The following MAPT variants were observed in gnomAD, a reference collection of about 807,000 sequenced individuals.
The protein encoded by MAPT is microtubule associated protein tau.
In MAPT, 34 loss-of-function variants were observed where a neutral mutation model predicts 67.9. The ratio of observed to expected loss-of-function variants is 0.50; its 90% CI spans 0.38 to 0.67. The LOEUF (loss-of-function observed/expected upper bound fraction) is 0.67. MAPT is among the 30% of genes least tolerant of loss of function. MAPT has a pLI of 0.00. For missense variants in MAPT, 881 were observed against 1,115.2 expected (o/e 0.79, Z 2.99); for synonymous variants, 456 against 464.5 (o/e 0.98, Z 0.23).
chr17:45,973,679 G>A (rs2071978697), intron 3 of MAPT: 1 of 152,382 alleles, frequency 6.6e-6, no homozygotes, highest in Non-Finnish European at 1.5e-5. Flanking sequence ...CATTGCTCGG[G>A]AGGGACGCTG....
intron 1 of MAPT, among the ~76,000 whole-genome samples, chr17:45,946,514 G>T (rs1188569675): frequency 6.7e-6 from 1 of 148,546 alleles, no homozygotes; most frequent in Admixed American, 6.8e-5. Context: ...CAGGAGAATT[G>T]CTTGAACCCG....
In MAPT at chr17:45,904,006, A is replaced by ATATATTTATATATTATATAT. The variant is rs2063932515; in HGVS notation, c.-18+9325_-18+9326insTTATATATTATATATTATAT. 3.1e-4 allele frequency among the ~76,000 whole-genome samples: 2 copies of ATATATTTATATATTATATAT among 6,398 alleles called. 1 individual carries two copies. Among genetic ancestry groups the ATATATTTATATATTATATAT allele is most frequent in the African/African-American group, 1.1e-3 (2 of 1,850 alleles). The allele number at this position is 6,398 out of a possible 152,430, so 4.2% of individuals were successfully genotyped here. ...TATATATTTATATATATTATATATT[A>ATATATTTATATATTATATAT]TATATATTATATATTATATATTTAT... On this transcript the variant is annotated intron_variant, in intron 1 of 12. Transcript: ENST00000262410.
intron 1 of MAPT, among the ~76,000 whole-genome samples, chr17:45,924,119 C>A (rs527357570): frequency 1.3e-5 from 2 of 152,154 alleles, no homozygotes; most frequent in Non-Finnish European, 2.9e-5. Flanking sequence ...TGGAATCCAG[C>A]CATAACTCTG....
At chr17:46,008,928 A>C (rs1446213451) in intron 9 of MAPT, among the ~76,000 whole-genome samples, 1 of 152,224 alleles carries the variant, frequency 6.6e-6, no homozygotes. Flanking sequence ...GATTACAGGC[A>C]TGGTGGCTTA....
At chr17:45,974,386 T>C (rs1193595831) in intron 3 of MAPT, 1 of 1,604,996 alleles carries the variant, frequency 6.2e-7, no homozygotes, top group African/African-American at 1.3e-5. Flanking sequence ...GGTTTCTAGA[T>C]GTGACAGCAC....
At chr17:46,016,205 G>A (rs894698199) in intron 11 of MAPT, among the ~76,000 whole-genome samples, 9 of 152,128 alleles carry the variant, frequency 5.9e-5, no homozygotes, top group Admixed American at 2.6e-4. Flanking sequence ...CAGCCTGGCC[G>A]ACATGGCGAA....
intron 1 of MAPT, among the ~76,000 whole-genome samples, chr17:45,956,072 A>G (rs1001034931): frequency 6.6e-6 from 1 of 152,214 alleles, no homozygotes; most frequent in Non-Finnish European, 1.5e-5. Flanking sequence ...TTGCCCATTG[A>G]GAACGGCTGA....
At chr17:45,951,353 G>T (rs898627023) in intron 1 of MAPT, among the ~76,000 whole-genome samples, 2 of 152,180 alleles carry the variant, frequency 1.3e-5, no homozygotes, top group African/African-American at 4.8e-5. Flanking sequence ...TCTTTACGTT[G>T]CATGAATTTT....
Position 45,962,366 on chromosome 17 carries a change from T to A in MAPT, c.29T>A (p.Val10Glu). Residue 10 changes from valine to glutamate, a missense_variant, in exon 2 of 13, where the codon GTG becomes GAG. By Grantham distance (121) the Val-to-Glu change is moderately radical. Transcript: ENST00000262410. ...GCTGAGCCCCGCCAGGAGTTCGAAG[T>A]GATGGAAGATCACGCTGGGACGTAC... MAEPRQEFEVMEDHAGTYGL... is the reference protein window; with the variant it reads MAEPRQEFEEMEDHAGTYGL... The A allele has an allele frequency of 1.2e-6, 2 of 1,612,112 alleles. No homozygotes were observed. The highest frequency in any genetic ancestry group is 1.7e-6 in the Non-Finnish European group (2 of 1,179,830).
Position 46,010,757 on chromosome 17 carries a change from C to G in MAPT, c.2091+355C>G, listed in dbSNP as rs2075770248. ...CCTTCCACTCATGCCCAGCCCTGTC[C>G]CCAGGAGCCCCATAGCCCATTGGAA... On this transcript the variant is annotated intron_variant, in intron 10 of 12. Transcript: ENST00000262410. This position sits in a 1 kb window ranked among gnomAD's most constrained non-coding sequence, Gnocchi z 4.7. Among the ~76,000 whole-genome samples, 1 of 152,228 alleles carries G rather than the reference C, an allele frequency of 6.6e-6. No homozygotes were observed. Among genetic ancestry groups the G allele is most frequent in the Admixed American group, 6.5e-5 (1 of 15,284 alleles).
chr17:45,918,586 T>C (rs1360493555), intron 1 of MAPT, among the ~76,000 whole-genome samples: 1 of 152,152 alleles, frequency 6.6e-6, no homozygotes, highest in African/African-American at 2.4e-5. Flanking sequence ...TAAGCTGCCA[T>C]TGTGGTGTGT....
intron 4 of MAPT, among the ~76,000 whole-genome samples, chr17:45,982,034 G>A (rs112953368): frequency 0.13 from 18,441 of 137,186 alleles, 1,895 homozygotes; most frequent in Non-Finnish European, 0.21. Context: ...AAAAAAAAAA[G>A]AAAGAAAGAA....
At chr17:45,945,611 G>A (rs147764646) in intron 1 of MAPT, among the ~76,000 whole-genome samples, 76 of 152,208 alleles carry the variant, frequency 5.0e-4, no homozygotes, top group African/African-American at 1.7e-3. Context: ...TCAGGAGTTC[G>A]AGACCAGCCT....
intron 1 of MAPT, among the ~76,000 whole-genome samples, chr17:45,903,842 TA>T (rs1442670157): frequency 5.5e-5 from 2 of 36,348 alleles, no homozygotes; most frequent in Admixed American, 5.2e-4. Flanking sequence ...TTATATATTT[TA>T]TATATTATAT....
intron 4 of MAPT, among the ~76,000 whole-genome samples, chr17:45,981,172 C>T (rs1265475044): frequency 2.6e-5 from 4 of 152,186 alleles, no homozygotes; most frequent in Non-Finnish European, 5.9e-5. Context: ...CCACACCTTC[C>T]TCCCCGACCT....
At chr17:45,972,973 A>G (rs2071882254) in intron 3 of MAPT, 1 of 152,218 alleles carries the variant, frequency 6.6e-6, no homozygotes, top group Admixed American at 6.5e-5. Flanking sequence ...GAACGTTAAT[A>G]GTGGCTTTTG....
Position 45,995,622 on chromosome 17 carries a change from A to AC in MAPT, c.1733-771dup, listed in dbSNP as rs1224998331. On this transcript the variant is annotated intron_variant, in intron 8 of 12. Transcript: ENST00000262410. This position sits in a 1 kb window ranked among gnomAD's most constrained non-coding sequence, Gnocchi z 4.3. ...AGCATCTGCATGGAGAGGAGAAGAG[A>AC]CCCCCCAGCAGCTTCCAGGGTGTTG... is the stretch of plus-strand genomic sequence containing the variant. 6.6e-6 allele frequency among the ~76,000 whole-genome samples: 1 copy of AC among 151,650 alleles called. No individual in the cohort carries two copies. The highest frequency in any genetic ancestry group is 1.9e-4 in the East Asian group (1 of 5,170).
At chr17:45,930,407 CAAAAA>C (rs67120979) in intron 1 of MAPT, among the ~76,000 whole-genome samples, 3 of 81,962 alleles carry the variant, frequency 3.7e-5, no homozygotes, top group Non-Finnish European at 4.6e-5. Flanking sequence ...ATTCTGTCTC[CAAAAA>C]AAAAAAAAAA....
chr17:45,913,971 A>G (rs2064981948), intron 1 of MAPT, among the ~76,000 whole-genome samples: 1 of 152,138 alleles, frequency 6.6e-6, no homozygotes, highest in Non-Finnish European at 1.5e-5. Flanking sequence ...ACAGGCAGGG[A>G]GTACTAGGAC....
Sources: gnomAD v4.1 joint callset for allele counts (sites outside exome capture counted in the v4.1 genomes callset) on GRCh38, gnomAD v4.1.1 for gene constraint, Gnocchi (gnomAD v3.1) non-coding constraint, MANE v1.5 for transcripts, NCBI Gene and HGNC (gene_info 2026-07-23, HGNC 2026-07-21) for gene names.